Variants in RAB2A observed in about 807,000 individuals in gnomAD.
RAB2A encodes ras-related protein Rab-2A.
A neutral mutation model predicts 32.5 loss-of-function variants in RAB2A; 7 were observed. That is an observed-to-expected ratio of 0.22 (90% confidence interval 0.12 to 0.40). The LOEUF (loss-of-function observed/expected upper bound fraction) is 0.40. RAB2A is among the 10% of genes least tolerant of loss of function. The pLI, the probability that RAB2A is intolerant of heterozygous loss-of-function variation, is 1.00. For missense variants in RAB2A, 108 were observed against 260.7 expected (o/e 0.41, Z 4.03); for synonymous variants, 79 against 85.2 (o/e 0.93, Z 0.40).
rs534841363 is a variant in RAB2A at position 60,584,615 on chromosome 8, A to T, written c.270-108A>T. 39 of 870,098 alleles carry T rather than the reference A, an allele frequency of 4.5e-5. No homozygotes were observed. In the African/African-American group the frequency reaches 5.3e-4, roughly 12 times the overall value. 53.9% of individuals were successfully genotyped at this position (870,098 alleles called of 1,614,324 possible). On this transcript the variant is annotated intron_variant, in intron 4 of 7. Coordinates refer to ENST00000262646, the MANE Select transcript of RAB2A (RefSeq NM_002865.3). ...GGTGCTTAAAACTACTTCTCGTTAC[A>T]TAAGTGGATATGGCTAAAAGTGGTT...
intron 3 of RAB2A, among the ~76,000 whole-genome samples, chr8:60,580,056 G>A (rs2130846117): frequency 6.6e-6 from 1 of 150,720 alleles, no homozygotes; most frequent in Admixed American, 6.6e-5. Flanking sequence ...GAGTGCAATG[G>A]CATGATCTCG....
At chr8:60,612,732 A>C (rs1213687921) in intron 6 of RAB2A, among the ~76,000 whole-genome samples, 1 of 152,200 alleles carries the variant, frequency 6.6e-6, no homozygotes, top group African/African-American at 2.4e-5. Flanking sequence ...TAGATTGTAG[A>C]TTTAGCAATG....
rs546065525 is a variant in RAB2A, at chr8:60,549,324, C to T, written c.47-9528C>T. 2.6e-5 allele frequency among the ~76,000 whole-genome samples: 4 copies of T among 152,284 alleles called. No homozygotes were observed. The South Asian group carries it at 6.2e-4, about 24-fold the overall frequency. ...TGGAGGTTGTAGCGAGCCGAGATCA[C>T]GCCACTGCACTCCAGCCTGGGCACC... is the stretch of plus-strand genomic sequence containing the variant. On this transcript the variant is annotated intron_variant, in intron 1 of 7. Coordinates refer to ENST00000262646, the MANE Select transcript of RAB2A (RefSeq NM_002865.3).
At chr8:60,547,869 C>T (rs1338180187) in intron 1 of RAB2A, among the ~76,000 whole-genome samples, 13 of 117,152 alleles carry the variant, frequency 1.1e-4, no homozygotes, top group Non-Finnish European at 2.1e-4. Context: ...GGCGGCTGGC[C>T]GGGCGGGGGG....
At chr8:60,618,470 A>G (rs1563488934) in intron 6 of RAB2A, 110 bp from the exon 7 acceptor site, 2 of 419,612 alleles carry the variant, frequency 4.8e-6, no homozygotes, top group Non-Finnish European at 7.5e-6. Flanking sequence ...AATATGTATT[A>G]CGTCGATTGA....
Position 60,622,346 on chromosome 8 carries a change from T to A in RAB2A, c.*1577T>A, listed in dbSNP as rs1804541469. 6.6e-6 allele frequency: 1 copy of A among 152,234 alleles called. No individual in the cohort carries two copies. Among genetic ancestry groups the A allele is most frequent in the Non-Finnish European group, 1.5e-5 (1 of 68,034 alleles). 9.4% of individuals were successfully genotyped at this position (152,234 alleles called of 1,614,324 possible). ...AGATTCAGCAGTACTCTCTCAAAGG[T>A]TTGACAGTACTCTTGTGGGAAATCA... On this transcript the variant is annotated 3_prime_UTR_variant, in exon 8 of 8. Transcript: ENST00000262646.
At chr8:60,556,523 G>A (rs1028201786) in intron 1 of RAB2A, among the ~76,000 whole-genome samples, 6 of 151,696 alleles carry the variant, frequency 4.0e-5, no homozygotes, top group Admixed American at 3.3e-4. Context: ...ACGGAAACTA[G>A]GTGTAGTGGC....
chr8:60,599,559 G>A (rs758537291), intron 6 of RAB2A, among the ~76,000 whole-genome samples: 15 of 152,158 alleles, frequency 9.9e-5, no homozygotes, highest in Admixed American at 3.3e-4. Flanking sequence ...TCAGGACTGC[G>A]TGATACTGGT....
intron 1 of RAB2A, among the ~76,000 whole-genome samples, chr8:60,549,019 T>C (rs1357047254): frequency 7.6e-6 from 1 of 131,052 alleles, no homozygotes; most frequent in African/African-American, 3.0e-5. Context: ...AGGGCAGAGG[T>C]GCTCCCCACA....
At chr8:60,550,039 A>G (rs1277148472) in intron 1 of RAB2A, among the ~76,000 whole-genome samples, 1 of 152,086 alleles carries the variant, frequency 6.6e-6, no homozygotes, top group Admixed American at 6.5e-5. Context: ...TTCATCCTGA[A>G]TGTCTTTCTT....
intron 1 of RAB2A, among the ~76,000 whole-genome samples, chr8:60,546,827 G>C (rs75076022): frequency 0.017 from 2,534 of 150,806 alleles, 56 homozygotes; most frequent in African/African-American, 0.058. Context: ...AGTTCAATCA[G>C]CATCTCTGGA....
intron 2 of RAB2A, among the ~76,000 whole-genome samples, chr8:60,566,108 A>G (rs779230000): frequency 6.6e-6 from 1 of 152,194 alleles, no homozygotes; most frequent in Non-Finnish European, 1.5e-5. Context: ...TAAATTCCCT[A>G]TATAACTTTG....
At chr8:60,524,998 C>T (rs1198876653) in intron 1 of RAB2A, among the ~76,000 whole-genome samples, 1 of 152,184 alleles carries the variant, frequency 6.6e-6, no homozygotes, top group Non-Finnish European at 1.5e-5. Context: ...ATAGTTCCTA[C>T]ACCATATCAA....
chr8:60,570,357 T>C (rs1320018870), intron 2 of RAB2A, among the ~76,000 whole-genome samples: 2 of 152,172 alleles, frequency 1.3e-5, no homozygotes, highest in African/African-American at 4.8e-5. Flanking sequence ...CTCTACTCTG[T>C]CTGATACCTC....
At chr8:60,591,626 G>T in intron 5 of RAB2A, 2 of 344,518 alleles carry the variant, frequency 5.8e-6, no homozygotes, top group Non-Finnish European at 5.4e-6. Context: ...TAGTTCTAAC[G>T]TTCTAAAGCT....
chr8:60,565,959 C>T (rs567091173), intron 2 of RAB2A, among the ~76,000 whole-genome samples: 78 of 152,044 alleles, frequency 5.1e-4, no homozygotes, highest in African/African-American at 1.6e-3. Flanking sequence ...GTGATCCACC[C>T]GCCTCGGCCT....
At position 60,572,020 on chromosome 8, in the gene RAB2A, AAC is replaced by A. The variant is rs1266904360; in HGVS notation, c.119-24_119-23del. On this transcript the variant is annotated intron_variant, in intron 2 of 7. Transcript: ENST00000262646. ...TGAGATATATTCCCACTAATTTTGTAACAAATCATTTCCTACTCTATTTAGGT... is the reference window on the plus strand; with the variant it reads ...TGAGATATATTCCCACTAATTTTGTAAAATCATTTCCTACTCTATTTAGGT... The A allele has an allele frequency of 1.9e-6, 3 of 1,549,324 alleles. No homozygotes were observed. The African/African-American group carries it at 4.1e-5, about 21-fold the overall frequency.
At chr8:60,547,476 G>C (rs1214426099) in intron 1 of RAB2A, among the ~76,000 whole-genome samples, 1 of 151,962 alleles carries the variant, frequency 6.6e-6, no homozygotes, top group African/African-American at 2.4e-5. Context: ...GGCGCGGCCG[G>C]GCAGAGGCGC....
intron 6 of RAB2A, among the ~76,000 whole-genome samples, chr8:60,605,795 A>G (rs1300914328): frequency 6.7e-6 from 1 of 148,670 alleles, no homozygotes; most frequent in East Asian, 2.0e-4. Context: ...GTAGCTAACT[A>G]TTTATTTTAC....
Sources: allele counts gnomAD v4.1 joint callset (sites outside exome capture counted in the v4.1 genomes callset), GRCh38; gene constraint gnomAD v4.1.1; transcripts MANE v1.5; gene names NCBI Gene and HGNC (gene_info 2026-07-23, HGNC 2026-07-21).